The following PRMT1 variants were observed in gnomAD, a reference collection of about 807,000 sequenced individuals.
The protein encoded by PRMT1 is protein arginine N-methyltransferase 1.
In PRMT1, 5 loss-of-function variants were observed where a neutral mutation model predicts 47.4. That is an observed-to-expected ratio of 0.11 (90% CI 0.06 to 0.22). The LOEUF is 0.22. PRMT1 is among the 10% of genes least tolerant of loss of function. The pLI is 1.00. For missense variants in PRMT1, 249 were observed against 518.4 expected, an observed-to-expected ratio of 0.48 and a Z score of 5.05; for synonymous variants, 227 against 204.6, an observed-to-expected ratio of 1.11 and a Z score of -0.94.
chr19:49,683,265 T>A (rs1230284953), intron 5 of PRMT1, among the ~76,000 whole-genome samples: 1 of 151,916 alleles, frequency 6.6e-6, no homozygotes, highest in African/African-American at 2.4e-5. Flanking sequence ...CACGAGTCCA[T>A]TTGAAGCAAA....
rs2082092694 is a variant in PRMT1, at chr19:49,680,043, C to T, written c.90+118C>T. 5.7e-6 allele frequency: 7 copies of T among 1,221,328 alleles called. No homozygotes were observed. Among genetic ancestry groups the T allele is most frequent in the African/African-American group, 3.0e-5 (2 of 66,334 alleles). The allele number at this position is 1,221,328 out of a possible 1,614,324, so 75.7% of individuals were successfully genotyped here. ...CCCCTCTTGCTTCAAACCAGTTTAC[C>T]CCAGGCCCCCAGACACTTAGTAGCA... is the stretch of plus-strand genomic sequence containing the variant. On this transcript the variant is annotated intron_variant, in intron 2 of 10. Coordinates refer to ENST00000454376, the MANE Select transcript of PRMT1 (RefSeq NM_001536.6). This position sits in a 1 kb window ranked among gnomAD's most constrained non-coding sequence, Gnocchi z 4.2.
At chr19:49,682,458 A>G (rs771265131) in intron 5 of PRMT1, among the ~76,000 whole-genome samples, 199 bp downstream of exon 5, 1 of 152,308 alleles carries the variant, frequency 6.6e-6, no homozygotes, top group East Asian at 1.9e-4. Context: ...AAATTAGGGC[A>G]AGAAGCACTC....
At chr19:49,676,887 G>A (rs2082043519), upstream of PRMT1, among the ~76,000 whole-genome samples, 1 of 152,218 alleles carries the variant, frequency 6.6e-6, no homozygotes, top group Non-Finnish European at 1.5e-5. Flanking sequence ...GGTCGTTTTG[G>A]TGATGGACAG....
In PRMT1 at chr19:49,680,723, T is replaced by C. The variant is rs1433102; in HGVS notation, c.192+135T>C. The stretch of plus-strand genomic sequence containing the variant: ...GCCCCCCTGCCCCTCTGCTGCGCAC[T>C]TCCTAGGGTCGCCTCGCCAAGCCGT... On this transcript the variant is annotated intron_variant, in intron 3 of 10. Transcript: ENST00000454376. The surrounding 1 kb of genome is among the most constrained non-coding windows in gnomAD (Gnocchi z 4.2). 1 allele frequency: 702,230 copies of C among 702,264 alleles called. 351,098 individuals are homozygous for C. The highest frequency in any genetic ancestry group is 1 in the Middle Eastern group (3,302 of 3,302). The allele number at this position is 702,264 out of a possible 1,614,324, so 43.5% of individuals were successfully genotyped here. A position where few individuals can be genotyped will look rare whatever the true frequency, so the allele number is the denominator to read the frequency against.
chr19:49,685,149 C>G lies in PRMT1; in HGVS notation c.759+112C>G, dbSNP rs781407858. On this transcript the variant is annotated intron_variant, in intron 8 of 10. Transcript: ENST00000454376. The surrounding 1 kb of genome is among the most constrained non-coding windows in gnomAD (Gnocchi z 4.7). Reference sequence around the variant, plus strand: ...AGAATGTTGGCCTGAGGTCTCAGAGCCTGATCTGCCAGCCAGAGGTGGTGC... The same window carrying G: ...AGAATGTTGGCCTGAGGTCTCAGAGGCTGATCTGCCAGCCAGAGGTGGTGC... The G allele has an allele frequency of 1.9e-6, 3 of 1,564,022 alleles. No individual in the cohort carries two copies. The South Asian group carries it at 3.5e-5, about 18-fold the overall frequency.
At chr19:49,687,819 C>T (rs1175453303) in intron 10 of PRMT1, 4 of 371,824 alleles carry the variant, frequency 1.1e-5, no homozygotes, top group East Asian at 5.2e-5. Flanking sequence ...TTCACTGGAA[C>T]GTTTGCCTGA....
chr19:49,685,052 A>G lies in PRMT1; in HGVS notation c.759+15A>G, dbSNP rs1219315366. 5.6e-6 allele frequency: 9 copies of G among 1,614,086 alleles called. No homozygotes were observed. The South Asian group carries it at 6.6e-5, about 12-fold the overall frequency. On this transcript the variant is annotated intron_variant, in intron 8 of 10. Transcript: ENST00000454376. This position sits in a 1 kb window ranked among gnomAD's most constrained non-coding sequence, Gnocchi z 4.7. Reference sequence around the variant, plus strand: ...GCCTCATAAAGGTGAGGGGGTGGGCATGGCCAGGTGCCCCCTGGGTTGAAA... The same window carrying G: ...GCCTCATAAAGGTGAGGGGGTGGGCGTGGCCAGGTGCCCCCTGGGTTGAAA...
At position 49,685,970 on chromosome 19, in the gene PRMT1, G is replaced by A; in HGVS notation, c.760-123G>A. ...AAGGAGGAGCCGAGGCTGGGTGCCA[G>A]TGAGGGAGGGCTAGCAGGAAGGGGA... On this transcript the variant is annotated intron_variant, in intron 8 of 10. Coordinates refer to ENST00000454376, the MANE Select transcript of PRMT1 (RefSeq NM_001536.6). The surrounding 1 kb of genome is among the most constrained non-coding windows in gnomAD (Gnocchi z 4.7). 1 of 1,489,066 alleles carries A rather than the reference G, an allele frequency of 6.7e-7. No homozygotes were observed. Among genetic ancestry groups the A allele is most frequent in the Non-Finnish European group, 8.9e-7 (1 of 1,126,616 alleles). 92.2% of individuals were successfully genotyped at this position (1,489,066 alleles called of 1,614,324 possible).
Position 49,688,317 on chromosome 19 carries a change from TCTCC to T in PRMT1, c.*82_*85del, listed in dbSNP as rs1283123672. The T allele has an allele frequency of 1.7e-5, 25 of 1,431,976 alleles. No individual in the cohort carries two copies. The highest frequency in any genetic ancestry group is 1.2e-4 in the Admixed American group (7 of 59,546). The allele number at this position is 1,431,976 out of a possible 1,614,324, so 88.7% of individuals were successfully genotyped here. The stretch of plus-strand genomic sequence containing the variant: ...AGGCGGTTTCGGGGCTCCCCCTTCC[TCTCC>T]CTCCCTCCCGCAGAAGGGGGTTTTA... On this transcript the variant is annotated 3_prime_UTR_variant, in exon 11 of 11. Coordinates refer to ENST00000454376, the MANE Select transcript of PRMT1 (RefSeq NM_001536.6). This position sits in a 1 kb window ranked among gnomAD's most constrained non-coding sequence, Gnocchi z 5.3.
intron 5 of PRMT1, 140 bp downstream of exon 5, chr19:49,682,399 C>T (rs1234016665): frequency 9.1e-6 from 8 of 878,986 alleles, no homozygotes; most frequent in South Asian, 4.8e-5. Context: ...GGCTGCCGGC[C>T]GCCTGAGAAT....
intron 1 of PRMT1, among the ~76,000 whole-genome samples, chr19:49,679,320 G>A (rs1380898375): frequency 6.6e-6 from 1 of 152,176 alleles, no homozygotes; most frequent in Non-Finnish European, 1.5e-5. Context: ...CTGAGTCCAA[G>A]GCAGGAGCTG....
chr19:49,687,551 A>G (rs1235918907), intron 10 of PRMT1, among the ~76,000 whole-genome samples: 3 of 145,038 alleles, frequency 2.1e-5, no homozygotes, highest in Non-Finnish European at 4.5e-5. Flanking sequence ...CTGTGGAAAC[A>G]TTTGTGGTTG....
In PRMT1 at chr19:49,682,068, G is replaced by A. The variant is rs1410003248; in HGVS notation, c.348+3G>A. 1 of 1,614,116 alleles carries A rather than the reference G, an allele frequency of 6.2e-7. No individual in the cohort carries two copies. The highest frequency in any genetic ancestry group is 1.1e-5 in the South Asian group (1 of 91,076). On this transcript the variant is annotated splice_donor_region_variant and intron_variant, in intron 4 of 10. Transcript: ENST00000454376. ...CCGGGGCCCGCAAGGTCATCGGGGT[G>A]AGTCTCCAGGGTGGCCAGGCGGGGC...
In PRMT1 at chr19:49,684,964, A is replaced by G; in HGVS notation, c.686A>G (p.Asp229Gly). ...VYGFDMSCIK[D>G]VAIKEPLVDV... is the part of the protein sequence containing the mutation. ...GGCTTCGACATGTCTTGCATCAAAG[A>G]TGTGGCCATTAAGGAGCCCCTAGTG... Residue 229 changes from aspartate (D) to glycine (G), a missense_variant, in exon 8 of 11, where the codon GAT (aspartate) becomes GGT (glycine). Transcript: ENST00000454376. This position sits in a 1 kb window ranked among gnomAD's most constrained non-coding sequence, Gnocchi z 6.2. The G allele has an allele frequency of 6.2e-7, 1 of 1,604,940 alleles. No individual in the cohort carries two copies. Among genetic ancestry groups the G allele is most frequent in the Non-Finnish European group, 8.5e-7 (1 of 1,173,966 alleles).
At position 49,684,021 on chromosome 19, in the gene PRMT1, C is replaced by T; in HGVS notation, c.507C>T (p.Phe169=). The T allele has an allele frequency of 6.2e-7, 1 of 1,614,216 alleles. No homozygotes were observed. Among genetic ancestry groups the T allele is most frequent in the South Asian group, 1.1e-5 (1 of 91,080 alleles). The change falls in exon 6 of 11, where the codon TTC becomes TTT. Residue 169 remains phenylalanine (F), a synonymous_variant. Transcript: ENST00000454376. The surrounding 1 kb of genome is among the most constrained non-coding windows in gnomAD (Gnocchi z 6.2). ...GCGAGTGGATGGGCTACTGCCTCTT[C>T]TACGAGTCCATGCTCAACACCGTGC... ...IISEWMGYCL[F]YESMLNTVLY... is the part of the protein sequence containing the mutation.
intron 10 of PRMT1, among the ~76,000 whole-genome samples, 162 bp downstream of exon 10, chr19:49,686,888 C>T (rs2082215901): frequency 6.6e-6 from 1 of 151,850 alleles, no homozygotes; most frequent in South Asian, 2.1e-4. Flanking sequence ...TCTGCCTATT[C>T]CCGGGTCCCC....
intron 1 of PRMT1, 74 bp from the exon 2 acceptor site, chr19:49,679,798 C>T (rs2082088702): frequency 1.7e-6 from 2 of 1,210,592 alleles, no homozygotes; most frequent in East Asian, 2.4e-5. Flanking sequence ...CCGGCCAGAG[C>T]CCAGGTTCCG....
rs773558877 is a variant in PRMT1 at position 49,684,390 on chromosome 19, G to C, written c.555+321G>C. ...GCCAGGGCAGGTGTGCCCTTGCTGC[G>C]TGTGGAACAGCAGGGAGGCCCGTGT... On this transcript the variant is annotated intron_variant, in intron 6 of 10. Transcript: ENST00000454376. This position sits in a 1 kb window ranked among gnomAD's most constrained non-coding sequence, Gnocchi z 6.2. Among the ~76,000 whole-genome samples the C allele has an allele frequency of 6.6e-6, 1 of 152,092 alleles. No individual in the cohort carries two copies. Among genetic ancestry groups the C allele is most frequent in the South Asian group, 2.1e-4 (1 of 4,832 alleles).
chr19:49,688,098 T>G lies in PRMT1; in HGVS notation c.1033-64T>G. Reference sequence around the variant, plus strand: ...CCGGCTCATCGTCGCATAGCCTGCCTGCACCCGCCCCCCGCCACCACCTCC... The same window carrying G: ...CCGGCTCATCGTCGCATAGCCTGCCGGCACCCGCCCCCCGCCACCACCTCC... On this transcript the variant is annotated intron_variant, in intron 10 of 10. Coordinates refer to ENST00000454376, the MANE Select transcript of PRMT1 (RefSeq NM_001536.6). The surrounding 1 kb of genome is among the most constrained non-coding windows in gnomAD (Gnocchi z 5.3). 36 of 1,426,006 alleles carry G rather than the reference T, an allele frequency of 2.5e-5. 1 individual carries two copies. In the South Asian group the frequency reaches 4.1e-4, roughly 16 times the overall value. 88.3% of individuals were successfully genotyped at this position (1,426,006 alleles called of 1,614,324 possible). A position where few individuals can be genotyped will look rare whatever the true frequency, so the allele number is the denominator to read the frequency against.
Sources: allele counts gnomAD v4.1 joint callset (sites outside exome capture counted in the v4.1 genomes callset), GRCh38; gene constraint gnomAD v4.1.1; non-coding constraint Gnocchi (gnomAD v3.1); transcripts MANE v1.5; gene names NCBI Gene and HGNC (gene_info 2026-07-23, HGNC 2026-07-21).